The following TMCO5A variants were observed in gnomAD, a reference collection of about 807,000 sequenced individuals.
TMCO5A encodes transmembrane and coiled-coil domain-containing protein 5A.
A neutral mutation model predicts 42.3 loss-of-function variants in TMCO5A; 34 were observed. The observed-to-expected ratio is 0.80, with a 90% confidence interval of 0.61 to 1.07. The LOEUF (loss-of-function observed/expected upper bound fraction) is 1.07. Ranked by LOEUF, TMCO5A falls within the 50% of genes least tolerant of loss-of-function variation. The probability of loss-of-function intolerance (pLI) is 0.00; values close to 1 mark genes in which losing one functional copy is unlikely to be tolerated. For missense variants in TMCO5A, 357 were observed against 327.9 expected (o/e 1.09, Z -0.69); for synonymous variants, 131 against 115.6 (o/e 1.13, Z -0.86).
intron 11 of TMCO5A, 36 bp from the exon 12 acceptor site, chr15:37,951,000 C>T (rs1319670465): frequency 1.9e-6 from 3 of 1,582,952 alleles, no homozygotes; most frequent in Non-Finnish European, 2.6e-6. Context: ...GTTTTCTAAG[C>T]TTCTGGTTAA....
At chr15:37,958,590 A>G (rs893743040) in intron 11 of TMCO5A, among the ~76,000 whole-genome samples, 32 of 152,198 alleles carry the variant, frequency 2.1e-4, no homozygotes, top group African/African-American at 7.7e-4. Flanking sequence ...CACCAGTTAG[A>G]ATGGCGATCA....
chr15:37,964,710 G>A (rs1464424614), intron 11 of TMCO5A, among the ~76,000 whole-genome samples: 1 of 152,008 alleles, frequency 6.6e-6, no homozygotes, highest in Non-Finnish European at 1.5e-5. Flanking sequence ...AACCAAAGAA[G>A]TGAAAGAACT....
At chr15:38,012,523 CGTGTGTGTGT>C in the TMCO5A span, among the ~76,000 whole-genome samples, 44 of 149,318 alleles carry the variant, frequency 2.9e-4, no homozygotes, top group East Asian at 7.7e-3. Flanking sequence ...TAGGAGTAGT[CGTGTGTGTGT>C]GTGTGTGTGT....
chr15:38,030,221 T>C, the TMCO5A span, among the ~76,000 whole-genome samples: 1 of 152,316 alleles, frequency 6.6e-6, no homozygotes, highest in African/African-American at 2.4e-5. Flanking sequence ...TCAGACAGAC[T>C]CATCCCAAAC....
chr15:37,963,946 C>T (rs1316008901), intron 11 of TMCO5A, among the ~76,000 whole-genome samples: 1 of 152,152 alleles, frequency 6.6e-6, no homozygotes, highest in East Asian at 1.9e-4. Flanking sequence ...TTGCCTTTCT[C>T]TGGTGCCTCC....
At chr15:38,033,174 C>T in the TMCO5A span, among the ~76,000 whole-genome samples, 2 of 151,972 alleles carry the variant, frequency 1.3e-5, no homozygotes, top group African/African-American at 2.4e-5. Context: ...GTGATCCACC[C>T]GCCTCGGCCT....
At chr15:38,036,342 T>C in the TMCO5A span, among the ~76,000 whole-genome samples, 1 of 152,150 alleles carries the variant, frequency 6.6e-6, no homozygotes, top group African/African-American at 2.4e-5. Context: ...ATCATGTAAA[T>C]ATTCTGTTTT....
the TMCO5A span, among the ~76,000 whole-genome samples, chr15:38,014,649 C>T: frequency 2.0e-4 from 31 of 151,902 alleles, no homozygotes; most frequent in African/African-American, 5.1e-4. Context: ...GTTCTACCCC[C>T]GCAAGTTCTA....
At chr15:38,006,719 A>C in the TMCO5A span, among the ~76,000 whole-genome samples, 2 of 152,222 alleles carry the variant, frequency 1.3e-5, no homozygotes, top group African/African-American at 2.4e-5. Flanking sequence ...TCTCTTGGCT[A>C]CACTATATTG....
the TMCO5A span, among the ~76,000 whole-genome samples, chr15:38,016,302 G>A: frequency 6.6e-6 from 1 of 152,170 alleles, no homozygotes; most frequent in African/African-American, 2.4e-5. Context: ...GCCAATAACA[G>A]TGAAAAGTGA....
chr15:38,006,133 A>G, the TMCO5A span, among the ~76,000 whole-genome samples: 1 of 152,244 alleles, frequency 6.6e-6, no homozygotes. Flanking sequence ...CAAGAGGCAC[A>G]GCACACCATG....
rs1890008023 is a variant in TMCO5A, at chr15:37,947,555, G to A, written c.628-101G>A. 5.1e-6 allele frequency: 4 copies of A among 785,432 alleles called. No individual in the cohort carries two copies. In the East Asian group the frequency reaches 8.0e-5, roughly 16 times the overall value. The allele number at this position is 785,432 out of a possible 1,614,324, so 48.7% of individuals were successfully genotyped here. On this transcript the variant is annotated intron_variant, in intron 10 of 11. Transcript: ENST00000319669. ...ATGCATATAAAAAGAATTTGTTAAAGTTATCTAAATAACATATAACTAATG... is the reference window on the plus strand; with the variant it reads ...ATGCATATAAAAAGAATTTGTTAAAATTATCTAAATAACATATAACTAATG...
At chr15:37,956,472 A>G (rs1890294745) in intron 11 of TMCO5A, among the ~76,000 whole-genome samples, 1 of 152,210 alleles carries the variant, frequency 6.6e-6, no homozygotes, top group Non-Finnish European at 1.5e-5. Flanking sequence ...CCTCTATGCA[A>G]ATAAACTAGA....
intron 4 of TMCO5A, 94 bp from the exon 5 acceptor site, chr15:37,937,252 G>A: frequency 4.1e-6 from 6 of 1,456,634 alleles, no homozygotes; most frequent in Non-Finnish European, 5.7e-6. Context: ...AGTTACTGCA[G>A]GAAAATATAG....
At chr15:37,987,503 G>A in the TMCO5A span, among the ~76,000 whole-genome samples, 9 of 151,870 alleles carry the variant, frequency 5.9e-5, no homozygotes, top group Admixed American at 1.3e-4. Context: ...CATATTTTAT[G>A]TTTAGGCTTT....
chr15:37,962,387 C>T (rs1890452286), intron 11 of TMCO5A, among the ~76,000 whole-genome samples: 1 of 152,078 alleles, frequency 6.6e-6, no homozygotes, highest in Non-Finnish European at 1.5e-5. Context: ...TGGTATGAAA[C>T]CCACTTGATC....
chr15:38,013,668 A>G, the TMCO5A span, among the ~76,000 whole-genome samples: 4 of 152,328 alleles, frequency 2.6e-5, no homozygotes, highest in Admixed American at 6.5e-5. Context: ...GATAGACCCA[A>G]TGAGCCACTC....
the TMCO5A span, among the ~76,000 whole-genome samples, chr15:37,972,920 C>A: frequency 6.6e-6 from 1 of 152,112 alleles, no homozygotes; most frequent in South Asian, 2.1e-4. Context: ...GTTTTACATA[C>A]AAGTCTCTAA....
the TMCO5A span, among the ~76,000 whole-genome samples, chr15:38,033,558 C>T: frequency 7.3e-6 from 1 of 136,068 alleles, no homozygotes; most frequent in African/African-American, 3.1e-5. Flanking sequence ...TTTCTCCCTC[C>T]ATTTTTTTTT....
Sources: gnomAD v4.1 joint callset for allele counts (sites outside exome capture counted in the v4.1 genomes callset) on GRCh38, gnomAD v4.1.1 for gene constraint, MANE v1.5 for transcripts, NCBI Gene and HGNC (gene_info 2026-07-23, HGNC 2026-07-21) for gene names.